Variants in NOVA2 observed in about 807,000 individuals in gnomAD.
NOVA2 encodes the protein RNA-binding protein Nova-2.
Under a neutral mutation model 22.5 loss-of-function variants are expected in NOVA2, and 9 were observed. The ratio of observed to expected loss-of-function variants is 0.40; its 90% CI spans 0.24 to 0.70. The LOEUF is 0.70. Ranked by LOEUF, NOVA2 falls within the 30% of genes least tolerant of loss-of-function variation. The pLI is 0.38. For synonymous variants in NOVA2, 318 were observed against 335.2 expected (o/e 0.95, Z 0.56); for missense variants, 383 against 682.8 (o/e 0.56, Z 4.89).
chr19:45,955,807 G>A (rs1046849067), intron 2 of NOVA2, among the ~76,000 whole-genome samples: 39 of 151,960 alleles, frequency 2.6e-4, no homozygotes, highest in African/African-American at 8.7e-4. Flanking sequence ...GCAGTGAGCC[G>A]AGATCATGCT....
At chr19:45,969,509 GAAAAAAAAAAAAA>G (rs397946088) in intron 1 of NOVA2, among the ~76,000 whole-genome samples, 81 of 40,562 alleles carry the variant, frequency 2.0e-3, no homozygotes, top group African/African-American at 7.2e-3. Context: ...CCCTGTCTCA[GAAAAAAAAAAAAA>G]AAAAAAAAAA....
intron 2 of NOVA2, 130 bp downstream of exon 2, chr19:45,960,880 A>G: frequency 7.4e-6 from 7 of 940,144 alleles, no homozygotes; most frequent in Non-Finnish European, 1.1e-5. Flanking sequence ...CCTTAGGGGA[A>G]GGGGAGGCCC....
intron 1 of NOVA2, among the ~76,000 whole-genome samples, chr19:45,961,945 G>A (rs1403182407): frequency 6.6e-6 from 1 of 152,190 alleles, no homozygotes; most frequent in Non-Finnish European, 1.5e-5. Context: ...GGCTGAATGA[G>A]AGAGGGGAAG....
At chr19:45,950,526 A>C (rs1196425302) in intron 3 of NOVA2, among the ~76,000 whole-genome samples, 1 of 152,218 alleles carries the variant, frequency 6.6e-6, no homozygotes, top group East Asian at 1.9e-4. Context: ...GCGCTAAGCC[A>C]ATGGCAGCTG....
chr19:45,971,310 G>A lies in NOVA2; in HGVS notation c.85+1957C>T, dbSNP rs1303811927. On this transcript the variant is annotated intron_variant, in intron 1 of 3. Transcript: ENST00000263257. The stretch of plus-strand genomic sequence containing the variant: ...AAAGGTGGGAACCCCCTACCCTCTG[G>A]AGGACGGTGGTGGAGGGCTAGACAG... Among the ~76,000 whole-genome samples the A allele has an allele frequency of 3.3e-5, 5 of 152,122 alleles. No homozygotes were observed. The East Asian group carries it at 9.6e-4, about 29-fold the overall frequency.
rs986339365 is a variant in NOVA2 at position 45,939,184 on chromosome 19, C to G, written c.*679G>C. 3 of 152,364 alleles carry G rather than the reference C, an allele frequency of 2.0e-5. No homozygotes were observed. The highest frequency in any genetic ancestry group is 7.2e-5 in the African/African-American group (3 of 41,416). 9.4% of individuals were successfully genotyped at this position (152,364 alleles called of 1,614,324 possible). ...TCCTTCCCAGCAGCACTGTCCCTGC[C>G]CCCCCATACAACCTGACAACAAAAG... On this transcript the variant is annotated 3_prime_UTR_variant, in exon 4 of 4. Coordinates refer to ENST00000263257, the MANE Select transcript of NOVA2 (RefSeq NM_002516.4).
At position 45,937,688 on chromosome 19, in the gene NOVA2, GGGGAA is replaced by G; in HGVS notation, c.*2170_*2174del. On this transcript the variant is annotated 3_prime_UTR_variant, in exon 4 of 4. Transcript: ENST00000263257. The stretch of plus-strand genomic sequence containing the variant: ...ACAATGGGAAGTGGGGGATAGGGGA[GGGGAA>G]GTGGGGCCTGCCTCCCACCCTGGAG... 6.6e-6 allele frequency: 1 copy of G among 152,274 alleles called. No individual in the cohort carries two copies. The highest frequency in any genetic ancestry group is 2.4e-5 in the African/African-American group (1 of 41,548). 9.4% of individuals were successfully genotyped at this position (152,274 alleles called of 1,614,324 possible).
chr19:45,969,956 T>C (rs1373782967), intron 1 of NOVA2, among the ~76,000 whole-genome samples: 1 of 152,186 alleles, frequency 6.6e-6, no homozygotes, highest in African/African-American at 2.4e-5. Flanking sequence ...ATCTGTCCAG[T>C]AGGCCACTGC....
At position 45,961,065 on chromosome 19, in the gene NOVA2, C is replaced by T; in HGVS notation, c.174G>A (p.Leu58=). The T allele has an allele frequency of 1.9e-6, 3 of 1,582,366 alleles. No homozygotes were observed. Among genetic ancestry groups the T allele is most frequent in the Non-Finnish European group, 2.6e-6 (3 of 1,163,874 alleles). The part of the protein sequence containing the change: ...IGKGGQTIVQ[L]QKETGATIKL... ...TGATGGTGGCTCCGGTCTCCTTCTGCAGCTGCACGATGGTCTGCCCGCCCT... is the reference window on the plus strand; with the variant it reads ...TGATGGTGGCTCCGGTCTCCTTCTGTAGCTGCACGATGGTCTGCCCGCCCT... The change falls in exon 2 of 4, where the codon CTG becomes CTA. Residue 58 remains leucine (L), a synonymous_variant. Coordinates refer to ENST00000263257, the MANE Select transcript of NOVA2 (RefSeq NM_002516.4).
chr19:45,935,144 TGGGGG>T lies in NOVA2; in HGVS notation c.*4714_*4718del, dbSNP rs1967638515. 4.2e-5 allele frequency: 1 copy of T among 23,954 alleles called. No homozygotes were observed. Among genetic ancestry groups the T allele is most frequent in the Non-Finnish European group, 8.6e-5 (1 of 11,602 alleles). 1.5% of individuals were successfully genotyped at this position (23,954 alleles called of 1,614,324 possible). A position where few individuals can be genotyped will look rare whatever the true frequency, so the allele number is the denominator to read the frequency against. On this transcript the variant is annotated 3_prime_UTR_variant, in exon 4 of 4. Transcript: ENST00000263257. ...GGGAGAGGTGGGGTAGGGAAAGGGG[TGGGGG>T]AGGGGGGGTTAGGCAGTCCCCCCCC...
At chr19:45,947,853 G>A (rs1967865352) in intron 3 of NOVA2, among the ~76,000 whole-genome samples, 1 of 152,098 alleles carries the variant, frequency 6.6e-6, no homozygotes, top group African/African-American at 2.4e-5. Flanking sequence ...GTACTAGCCA[G>A]GCTACCCATT....
chr19:45,940,348 C>T lies in NOVA2; in HGVS notation c.994G>A (p.Gly332Ser). ...CCGGCTGGCCCGGCCCCGGCCTCGC[C>T]CGCGTAGGATGCCAGGAGGTTGGCG... ...AAANLLASYA[G>S]EAGAGPAGGA... Residue 332 changes from glycine to serine, a missense_variant, in exon 4 of 4, where the codon GGC becomes AGC. Gly to Ser is a moderately conservative substitution (Grantham distance 56). Around this residue, in one of 2 missense-constraint regions of NOVA2, gnomAD observed 349 missense variants for 578.1 expected, o/e 0.60. Transcript: ENST00000263257. 7.6e-7 allele frequency: 1 copy of T among 1,319,272 alleles called. No individual in the cohort carries two copies. Among genetic ancestry groups the T allele is most frequent in the Non-Finnish European group, 9.7e-7 (1 of 1,030,028 alleles). The allele number at this position is 1,319,272 out of a possible 1,614,324, so 81.7% of individuals were successfully genotyped here.
chr19:45,940,541 C>G lies in NOVA2; in HGVS notation c.801G>C (p.Ala267=). The change falls in exon 4 of 4, where the codon GCG becomes GCC. Residue 267 remains alanine (A), a synonymous_variant. Coordinates refer to ENST00000263257, the MANE Select transcript of NOVA2 (RefSeq NM_002516.4). The part of the protein sequence containing the change: ...GLAGVGAFPA[A]LPAFSGTDLL... ...GGTCGGTGCCTGAGAAGGCGGGCAGCGCGGCGGGAAAGGCCCCCACGCCAG... is the reference window on the plus strand; with the variant it reads ...GGTCGGTGCCTGAGAAGGCGGGCAGGGCGGCGGGAAAGGCCCCCACGCCAG... 6.7e-7 allele frequency: 1 copy of G among 1,491,732 alleles called. No homozygotes were observed. The highest frequency in any genetic ancestry group is 1.2e-5 in the South Asian group (1 of 80,050). The allele number at this position is 1,491,732 out of a possible 1,614,324, so 92.4% of individuals were successfully genotyped here.
chr19:45,948,953 A>C (rs1002168739), intron 3 of NOVA2, among the ~76,000 whole-genome samples: 3 of 152,240 alleles, frequency 2.0e-5, no homozygotes, highest in African/African-American at 7.2e-5. Context: ...ATTTGTCTAT[A>C]AAAAGGAGTA....
rs1354404082 is a variant in NOVA2, at chr19:45,934,154, C to A, written c.*5709G>T. On this transcript the variant is annotated 3_prime_UTR_variant, in exon 4 of 4. Transcript: ENST00000263257. The stretch of plus-strand genomic sequence containing the variant: ...CTAAGGACTGGGGAGAACCAAGGGA[C>A]CTTAGAGGTCCTCCAGTCCTCCCCA... 6.6e-6 allele frequency: 1 copy of A among 152,116 alleles called. No individual in the cohort carries two copies. The highest frequency in any genetic ancestry group is 6.6e-5 in the Admixed American group (1 of 15,264). The allele number at this position is 152,116 out of a possible 1,614,324, so 9.4% of individuals were successfully genotyped here. A position where few individuals can be genotyped will look rare whatever the true frequency, so the allele number is the denominator to read the frequency against.
At chr19:45,972,394 T>A (rs777354676) in intron 1 of NOVA2, among the ~76,000 whole-genome samples, 8 of 134,624 alleles carry the variant, frequency 5.9e-5, no homozygotes, top group Non-Finnish European at 1.1e-4. Context: ...ACCCCTTTCC[T>A]CTGATCTACA....
At chr19:45,958,377 GTGTGTGTGTGTGGGAGCA>G (rs1197833271) in intron 2 of NOVA2, among the ~76,000 whole-genome samples, 4 of 102,640 alleles carry the variant, frequency 3.9e-5, no homozygotes, top group Admixed American at 1.2e-4. Context: ...GTGTGTGAGA[GTGTGTGTGTGTGGGAGCA>G]TGTGTGTGAG....
intron 2 of NOVA2, among the ~76,000 whole-genome samples, chr19:45,958,110 CAAAAAAAA>C (rs33945455): frequency 3.4e-4 from 30 of 87,632 alleles, no homozygotes; most frequent in Non-Finnish European, 5.8e-4. Context: ...GACTCCGTCT[CAAAAAAAA>C]AAAAAAAAAA....
intron 1 of NOVA2, among the ~76,000 whole-genome samples, chr19:45,966,542 A>G (rs1968170197): frequency 6.6e-6 from 1 of 151,688 alleles, no homozygotes; most frequent in Admixed American, 6.6e-5. Context: ...TTCTGGGATT[A>G]CAGGCATGAG....
Sources: allele counts gnomAD v4.1 joint callset (sites outside exome capture counted in the v4.1 genomes callset), GRCh38; gene constraint gnomAD v4.1.1; regional missense constraint gnomAD v4.1.1; transcripts MANE v1.5; gene names NCBI Gene and HGNC (gene_info 2026-07-23, HGNC 2026-07-21).